MKRN1: variants seen among roughly 807,000 people sequenced by gnomAD.
MKRN1 encodes the protein makorin ring finger protein 1.
In MKRN1, 9 loss-of-function variants were observed where a neutral mutation model predicts 55.5. That is an observed-to-expected ratio of 0.16 (90% CI 0.10 to 0.28). MKRN1 has a LOEUF of 0.28. Among genes scored for constraint, MKRN1 ranks in the 10% least tolerant of loss-of-function variants. The pLI is 1.00. For synonymous variants in MKRN1, 253 were observed against 235.9 expected, an observed-to-expected ratio of 1.07 and a Z score of -0.66; for missense variants, 488 against 626.7, an observed-to-expected ratio of 0.78 and a Z score of 2.36.
At chr7:140,455,679 T>A (rs1794448071) in intron 6 of MKRN1, 111 bp downstream of exon 6, 6 of 833,014 alleles carry the variant, frequency 7.2e-6, no homozygotes, top group Non-Finnish European at 1.2e-5. Context: ...TCCTGGGAAG[T>A]CAAAGAAGGG....
rs143134966 is a variant in MKRN1, at chr7:140,467,308, C to G, written c.314+4575G>C. On this transcript the variant is annotated intron_variant, in intron 2 of 7. Transcript: ENST00000255977. ...CCCACTTTCTTTTAAGACGAAGTCT[C>G]ACTCTTTGCCCAGGCTGGAGTACAG... Among the ~76,000 whole-genome samples, 362 of 152,126 alleles carry G rather than the reference C, an allele frequency of 2.4e-3. 1 individual carries two copies. Among genetic ancestry groups the G allele is most frequent in the African/African-American group, 8.1e-3 (335 of 41,506 alleles).
intron 1 of MKRN1, chr7:140,475,350 A>G (rs940874960): frequency 4.4e-5 from 16 of 363,474 alleles, no homozygotes; most frequent in African/African-American, 3.6e-4. Context: ...GAAAACAAAC[A>G]AACAAACAAA....
intron 2 of MKRN1, 143 bp downstream of exon 2, chr7:140,471,740 G>T: frequency 8.4e-7 from 1 of 1,184,636 alleles, no homozygotes; most frequent in Non-Finnish European, 1.2e-6. Context: ...AAAGTGCTGG[G>T]ATTATAGGCA....
chr7:140,474,439 G>T (rs375578575), intron 1 of MKRN1: 3 of 363,834 alleles, frequency 8.2e-6, no homozygotes, highest in East Asian at 1.0e-4. Flanking sequence ...CAGTGGGTTG[G>T]GGGGGGCCCA....
At chr7:140,456,600 A>G in intron 5 of MKRN1, 52 bp downstream of exon 5, 1 of 1,596,678 alleles carries the variant, frequency 6.3e-7, no homozygotes, top group Non-Finnish European at 8.6e-7. Flanking sequence ...ACAAGTTACT[A>G]AATTCTTCCC....
At chr7:140,477,422 A>C (rs1019558341) in intron 1 of MKRN1, among the ~76,000 whole-genome samples, 2 of 152,016 alleles carry the variant, frequency 1.3e-5, no homozygotes, top group African/African-American at 4.8e-5. Context: ...CCTGGGTTCA[A>C]GCAACTCCCT....
Position 140,479,271 on chromosome 7 carries a change from G to A in MKRN1, c.74C>T (p.Ala25Val), listed in dbSNP as rs753428863. Residue 25 changes from alanine to valine, a missense_variant, in exon 1 of 8, where the codon GCA becomes GTA. Physicochemically the swap from Ala to Val is moderately conservative, Grantham distance 64 (BLOSUM62 0). Transcript: ENST00000255977. ...TGTGGGGATCGGGGTGGGGGAGGCT[G>A]CTGCCGCCGTCGCCGCTGCCGCTCC... ...GAGAAAATAA[A>V]ASPTPIPTVT... 2.9e-6 allele frequency: 4 copies of A among 1,392,480 alleles called. No individual in the cohort carries two copies. The highest frequency in any genetic ancestry group is 3.7e-5 in the Admixed American group (1 of 27,066). The allele number at this position is 1,392,480 out of a possible 1,614,324, so 86.3% of individuals were successfully genotyped here. A position where few individuals can be genotyped will look rare whatever the true frequency, so the allele number is the denominator to read the frequency against.
chr7:140,456,054 A>C, intron 5 of MKRN1, 154 bp from the exon 6 acceptor site: 2 of 915,132 alleles, frequency 2.2e-6, no homozygotes, highest in Admixed American at 3.2e-5. Flanking sequence ...CACACAACTG[A>C]CCATTTCTTT....
chr7:140,467,579 C>T (rs1037992439), intron 2 of MKRN1, among the ~76,000 whole-genome samples: 19 of 152,072 alleles, frequency 1.2e-4, no homozygotes, highest in Non-Finnish European at 2.1e-4. Flanking sequence ...GTGCCCAGTC[C>T]CTTTCAACTT....
intron 1 of MKRN1, among the ~76,000 whole-genome samples, chr7:140,476,311 A>C (rs1795114815): frequency 6.6e-6 from 1 of 151,954 alleles, no homozygotes; most frequent in Admixed American, 6.6e-5. Context: ...GAATGATTGA[A>C]TAAGGTAGTT....
At chr7:140,475,471 G>A (rs1795093881) in intron 1 of MKRN1, 2 of 236,254 alleles carry the variant, frequency 8.5e-6, no homozygotes, top group African/African-American at 2.4e-5. Flanking sequence ...ACCAGCCTAG[G>A]CAACAGGGTG....
chr7:140,477,781 A>C (rs1423871552), intron 1 of MKRN1, among the ~76,000 whole-genome samples: 1 of 152,234 alleles, frequency 6.6e-6, no homozygotes, highest in Non-Finnish European at 1.5e-5. Flanking sequence ...GGCCGGTTTC[A>C]ATCTTTTAAA....
intron 2 of MKRN1, among the ~76,000 whole-genome samples, chr7:140,469,374 AG>A (rs1299512015): frequency 6.6e-6 from 1 of 151,996 alleles, no homozygotes; most frequent in African/African-American, 2.4e-5. Flanking sequence ...TACCGAGGGT[AG>A]TGGTTTAAAG....
In MKRN1 at chr7:140,454,463, G is replaced by A; in HGVS notation, c.*54C>T. ...ACACAGGCACTGCCACACCACCACA[G>A]GGGACAGCTGCTGTCTGAGGTCAGC... On this transcript the variant is annotated 3_prime_UTR_variant, in exon 8 of 8. Transcript: ENST00000255977. The A allele has an allele frequency of 6.5e-7, 1 of 1,535,236 alleles. No homozygotes were observed. Among genetic ancestry groups the A allele is most frequent in the African/African-American group, 1.4e-5 (1 of 73,532 alleles).
At chr7:140,462,175 G>A (rs1383567477) in intron 2 of MKRN1, among the ~76,000 whole-genome samples, 1 of 152,036 alleles carries the variant, frequency 6.6e-6, no homozygotes, top group Non-Finnish European at 1.5e-5. Flanking sequence ...CGACAGGTGT[G>A]TGCCACAATG....
rs778824995 is a variant in MKRN1 at position 140,455,110 on chromosome 7, T to C, written c.1221A>G (p.Thr407=). The change falls in exon 7 of 8, where the codon ACA becomes ACG. Residue 407 remains threonine, a synonymous_variant. Transcript: ENST00000255977. ...REEPQRQKVG[T]SSRYRAQRRN... ...TGAGAGTTACCCGGTATCTGCTTGA[T>C]GTTCCCACTTTCTGTCTCTGTGGCT... 2.5e-6 allele frequency: 4 copies of C among 1,613,874 alleles called. No individual in the cohort carries two copies. Among genetic ancestry groups the C allele is most frequent in the Non-Finnish European group, 2.5e-6 (3 of 1,180,012 alleles).
At chr7:140,456,425 C>T (rs1235307576) in intron 5 of MKRN1, 67 of 1,373,754 alleles carry the variant, frequency 4.9e-5, no homozygotes, top group East Asian at 2.0e-4. Flanking sequence ...AGAAAAAGCA[C>T]GAAGATTCTA....
At chr7:140,465,067 T>C (rs1794730978) in intron 2 of MKRN1, among the ~76,000 whole-genome samples, 1 of 152,200 alleles carries the variant, frequency 6.6e-6, no homozygotes, top group Non-Finnish European at 1.5e-5. Flanking sequence ...GTTTAATCAA[T>C]TTTTCTGTCT....
At chr7:140,464,988 T>A (rs1180252852) in intron 2 of MKRN1, among the ~76,000 whole-genome samples, 1 of 152,132 alleles carries the variant, frequency 6.6e-6, no homozygotes, top group Admixed American at 6.6e-5. Context: ...AGTTTTGCCA[T>A]GTTGCCTAAG....
Sources: allele counts gnomAD v4.1 joint callset (sites outside exome capture counted in the v4.1 genomes callset), GRCh38; gene constraint gnomAD v4.1.1; transcripts MANE v1.5; gene names NCBI Gene and HGNC (gene_info 2026-07-23, HGNC 2026-07-21).